The following MCTP1 variants were observed in gnomAD, a reference collection of about 807,000 sequenced individuals.
MCTP1 encodes multiple C2 and transmembrane domain-containing protein 1.
MCTP1 carries 69 observed loss-of-function variants against 120.6 expected under a neutral mutation model. The observed-to-expected ratio is 0.57, with a 90% CI of 0.47 to 0.70. The LOEUF (loss-of-function observed/expected upper bound fraction) is 0.70, where lower values mean the gene tolerates loss of function less well. Among genes scored for constraint, MCTP1 ranks in the 30% least tolerant of loss-of-function variants. The pLI, the probability that MCTP1 is intolerant of heterozygous loss-of-function variation, is 0.00. For synonymous variants in MCTP1, 529 were observed against 493.1 expected (o/e 1.07, Z -0.96); for missense variants, 1,203 against 1,248.8 (o/e 0.96, Z 0.55).
intron 1 of MCTP1, among the ~76,000 whole-genome samples, chr5:95,076,241 G>A (rs1312726041): frequency 6.6e-6 from 1 of 152,074 alleles, no homozygotes; most frequent in Non-Finnish European, 1.5e-5. Flanking sequence ...ACAGTACCAT[G>A]GGTAACTGAA....
At chr5:95,042,602 C>A (rs1437135524) in intron 1 of MCTP1, among the ~76,000 whole-genome samples, 3 of 152,284 alleles carry the variant, frequency 2.0e-5, no homozygotes, top group South Asian at 2.1e-4. Flanking sequence ...ATACTCTAAA[C>A]AATATACAAA....
At chr5:95,005,719 C>T (rs1229973485) in intron 2 of MCTP1, among the ~76,000 whole-genome samples, 3 of 151,872 alleles carry the variant, frequency 2.0e-5, no homozygotes, top group Admixed American at 1.3e-4. Flanking sequence ...AGAAAGAGAA[C>T]CCTGTATAGC....
At chr5:94,910,180 G>GTATATATACATA (rs1455185946) in intron 9 of MCTP1, among the ~76,000 whole-genome samples, 7 of 91,892 alleles carry the variant, frequency 7.6e-5, no homozygotes, top group Non-Finnish European at 1.6e-4. Context: ...ATACATATAT[G>GTATATATACATA]TATGTGTGCA....
At chr5:94,978,776 C>G (rs980521834) in intron 2 of MCTP1, among the ~76,000 whole-genome samples, 3 of 152,088 alleles carry the variant, frequency 2.0e-5, no homozygotes, top group African/African-American at 7.2e-5. Context: ...TTGAGATCTG[C>G]TGTACAACAT....
intron 1 of MCTP1, among the ~76,000 whole-genome samples, chr5:95,053,869 T>A (rs964629134): frequency 6.6e-6 from 1 of 152,190 alleles, no homozygotes; most frequent in Admixed American, 6.5e-5. Flanking sequence ...TATTATGTAA[T>A]AAGATTGAAT....
chr5:94,920,179 T>C (rs1811183238), intron 7 of MCTP1, among the ~76,000 whole-genome samples: 1 of 152,088 alleles, frequency 6.6e-6, no homozygotes, highest in Non-Finnish European at 1.5e-5. Flanking sequence ...ATCACATATA[T>C]TGTAATCGTT....
At chr5:95,267,689 G>A (rs1759017644) in intron 1 of MCTP1, among the ~76,000 whole-genome samples, 1 of 152,220 alleles carries the variant, frequency 6.6e-6, no homozygotes, top group Non-Finnish European at 1.5e-5. Context: ...CCAAGGACAT[G>A]AAGTCTCCTG....
intron 1 of MCTP1, among the ~76,000 whole-genome samples, chr5:95,098,769 T>C (rs1190982199): frequency 6.6e-6 from 1 of 151,998 alleles, no homozygotes; most frequent in African/African-American, 2.4e-5. Flanking sequence ...TGGAAAAAAC[T>C]ACTTTAAAGT....
chr5:94,709,210 C>T (rs1412777484), intron 21 of MCTP1: 1 of 152,002 alleles, frequency 6.6e-6, no homozygotes, highest in Non-Finnish European at 1.5e-5. Flanking sequence ...CATCTTGGCT[C>T]CTCTTCAGGG....
At chr5:94,895,252 G>A (rs1803681587) in intron 10 of MCTP1, among the ~76,000 whole-genome samples, 1 of 152,036 alleles carries the variant, frequency 6.6e-6, no homozygotes, top group Non-Finnish European at 1.5e-5. Flanking sequence ...CCCCTCATTC[G>A]TAAATGTTAT....
rs139677775 is a variant in MCTP1, at chr5:95,241,059, G to GT, written c.720+42796dup. Among the ~76,000 whole-genome samples, 950 of 152,004 alleles carry GT rather than the reference G, an allele frequency of 6.2e-3. 12 individuals are homozygous for GT. Among genetic ancestry groups the GT allele is most frequent in the African/African-American group, 0.021 (874 of 41,486 alleles). ...AGATTCTAATTTTGGGGGGTACTTT[G>GT]TTTTAAATTCATTTATTTTTATGAA... On this transcript the variant is annotated intron_variant, in intron 1 of 22. Transcript: ENST00000515393.
intron 1 of MCTP1, among the ~76,000 whole-genome samples, chr5:95,018,332 T>C (rs1837521077): frequency 6.6e-6 from 1 of 152,130 alleles, no homozygotes; most frequent in South Asian, 2.1e-4. Context: ...AATTTTTTTT[T>C]CTGATTCAAA....
chr5:94,883,920 C>T (rs1414684840), intron 12 of MCTP1, among the ~76,000 whole-genome samples: 3 of 152,170 alleles, frequency 2.0e-5, no homozygotes, highest in Non-Finnish European at 4.4e-5. Flanking sequence ...TGTATATGTG[C>T]TTGGTATTTC....
intron 17 of MCTP1, among the ~76,000 whole-genome samples, chr5:94,819,135 TTTCATTCATTC>T (rs1785107244): frequency 3.7e-5 from 3 of 81,046 alleles, no homozygotes; most frequent in Admixed American, 3.2e-4. Context: ...TCATTCATTC[TTTCATTCATTC>T]GAGATGGAGT....
intron 1 of MCTP1, among the ~76,000 whole-genome samples, chr5:95,104,253 A>C (rs1756943340): frequency 6.6e-6 from 1 of 152,212 alleles, no homozygotes; most frequent in Non-Finnish European, 1.5e-5. Context: ...TAGCTGTCTA[A>C]ACGCAGTTAA....
chr5:95,008,029 T>A (rs1361860722), intron 2 of MCTP1, among the ~76,000 whole-genome samples: 1 of 152,204 alleles, frequency 6.6e-6, no homozygotes, highest in African/African-American at 2.4e-5. Context: ...CTACCCTGCC[T>A]AAACTTTGCT....
At chr5:95,276,654 C>CA (rs1161949035) in intron 1 of MCTP1, among the ~76,000 whole-genome samples, 1 of 150,412 alleles carries the variant, frequency 6.6e-6, no homozygotes, top group African/African-American at 2.4e-5. Context: ...GTGCTAGGTA[C>CA]AAAAAACAGG....
rs186432193 is a variant in MCTP1, at chr5:95,163,210, C to G, written c.720+120646G>C. Among the ~76,000 whole-genome samples, 446 of 152,126 alleles carry G rather than the reference C, an allele frequency of 2.9e-3. 3 individuals carry two copies. Among genetic ancestry groups the G allele is most frequent in the African/African-American group, 0.01 (427 of 41,502 alleles). ...GGTGTCAGAAAAGCCAGGGTTTGTGCCAGGGCTTGGCATAGTGCCTGCCTC... is the reference window on the plus strand; with the variant it reads ...GGTGTCAGAAAAGCCAGGGTTTGTGGCAGGGCTTGGCATAGTGCCTGCCTC... On this transcript the variant is annotated intron_variant, in intron 1 of 22. Coordinates refer to ENST00000515393, the MANE Select transcript of MCTP1 (RefSeq NM_024717.7).
intron 1 of MCTP1, among the ~76,000 whole-genome samples, chr5:95,023,019 A>C (rs1398177427): frequency 6.6e-6 from 1 of 152,132 alleles, no homozygotes; most frequent in Non-Finnish European, 1.5e-5. Context: ...GAAAAAATCA[A>C]CATGAGCCCG....
Sources: gnomAD v4.1 joint callset for allele counts (sites outside exome capture counted in the v4.1 genomes callset) on GRCh38, gnomAD v4.1.1 for gene constraint, MANE v1.5 for transcripts, NCBI Gene and HGNC (gene_info 2026-07-23, HGNC 2026-07-21) for gene names.